The following BCR variants were observed in gnomAD, a reference collection of about 807,000 sequenced individuals.
BCR encodes the protein BCR activator of RhoGEF and GTPase, also known as breakpoint cluster region protein.
A neutral mutation model predicts 138.6 loss-of-function variants in BCR; 58 were observed. The observed-to-expected ratio is 0.42, with a 90% CI of 0.34 to 0.52. The LOEUF (loss-of-function observed/expected upper bound fraction) is 0.52. Among genes scored for constraint, BCR ranks in the 20% least tolerant of loss-of-function variants. The pLI is 0.06. For synonymous variants in BCR, 786 were observed against 730.1 expected, an observed-to-expected ratio of 1.08 and a Z score of -1.23; for missense variants, 1,599 against 1,727.2, an observed-to-expected ratio of 0.93 and a Z score of 1.32.
At position 23,181,123 on chromosome 22, in the gene BCR, C is replaced by A. The variant is rs1026894984; in HGVS notation, c.163C>A (p.Arg55Ser). ...GCAGGAGGTGAACCAGGAGCGCTTCCGCATGATCTACCTGCAGACGTTGCT... is the reference window on the plus strand; with the variant it reads ...GCAGGAGGTGAACCAGGAGCGCTTCAGCATGATCTACCTGCAGACGTTGCT... ...LEQEVNQERF[R>S]MIYLQTLLAK... The change falls in exon 1 of 23, where the codon CGC (arginine) becomes AGC (serine). Residue 55 changes from arginine (R) to serine (S), a missense_variant. By Grantham distance (110) the Arg-to-Ser change is moderately radical. Coordinates refer to ENST00000305877, the MANE Select transcript of BCR (RefSeq NM_004327.4). The A allele has an allele frequency of 6.7e-7, 1 of 1,497,550 alleles. No individual in the cohort carries two copies. The highest frequency in any genetic ancestry group is 9.0e-7 in the Non-Finnish European group (1 of 1,115,364). 92.8% of individuals were successfully genotyped at this position (1,497,550 alleles called of 1,614,324 possible). A position where few individuals can be genotyped will look rare whatever the true frequency, so the allele number is the denominator to read the frequency against.
chr22:23,272,586 G>C (rs148472306), intron 6 of BCR, among the ~76,000 whole-genome samples: 11 of 152,254 alleles, frequency 7.2e-5, no homozygotes, highest in Admixed American at 2.6e-4. Context: ...CCTCGGGCAG[G>C]TCGCCAGAGA....
chr22:23,213,175 G>A (rs1602021004), intron 1 of BCR, among the ~76,000 whole-genome samples: 3 of 152,296 alleles, frequency 2.0e-5, no homozygotes, highest in Admixed American at 2.0e-4. Context: ...AGAGGATGTG[G>A]CTGACCCCTG....
chr22:23,220,032 T>G (rs917924773), intron 1 of BCR, among the ~76,000 whole-genome samples: 1 of 152,150 alleles, frequency 6.6e-6, no homozygotes, highest in Non-Finnish European at 1.5e-5. Flanking sequence ...GGCTGGCTGG[T>G]GTCATGTGTG....
intron 1 of BCR, among the ~76,000 whole-genome samples, chr22:23,202,238 A>G (rs1202368671): frequency 6.6e-6 from 1 of 152,138 alleles, no homozygotes; most frequent in Non-Finnish European, 1.5e-5. Context: ...CATGTACCAT[A>G]CAATTCAACC....
At chr22:23,312,695 C>G (rs1334154292) in intron 19 of BCR, 192 bp from the exon 20 acceptor site, 3 of 584,938 alleles carry the variant, frequency 5.1e-6, no homozygotes, top group Admixed American at 6.0e-5. Flanking sequence ...GGAATGCCCA[C>G]GCACCCCTAT....
At chr22:23,210,592 C>T (rs1007579046) in intron 1 of BCR, among the ~76,000 whole-genome samples, 50 of 152,170 alleles carry the variant, frequency 3.3e-4, no homozygotes, top group African/African-American at 1.2e-3. Context: ...CATCAAGATA[C>T]ACAGCAGGCC....
intron 18 of BCR, among the ~76,000 whole-genome samples, chr22:23,311,090 A>C (rs1424284844): frequency 1.5e-5 from 2 of 136,070 alleles, no homozygotes; most frequent in Non-Finnish European, 1.6e-5. Context: ...GGTGCAAAAC[A>C]GAACTCAAGT....
intron 1 of BCR, among the ~76,000 whole-genome samples, chr22:23,217,522 G>A (rs1053471717): frequency 3.9e-5 from 6 of 152,196 alleles, no homozygotes; most frequent in African/African-American, 9.7e-5. Flanking sequence ...TAAGGTAGGC[G>A]TGGGGCTCAG....
intron 1 of BCR, among the ~76,000 whole-genome samples, chr22:23,219,768 G>A (rs1267258194): frequency 6.6e-6 from 1 of 151,934 alleles, no homozygotes; most frequent in Non-Finnish European, 1.5e-5. Flanking sequence ...GCCCAGCTCT[G>A]TCCTCTGTGT....
At chr22:23,268,721 C>G (rs561092913) in intron 5 of BCR, among the ~76,000 whole-genome samples, 64 of 152,320 alleles carry the variant, frequency 4.2e-4, no homozygotes, top group African/African-American at 1.5e-3. Flanking sequence ...GTCCTGCCTC[C>G]CCGGGGGCGA....
chr22:23,276,978 C>G (rs55650428), intron 8 of BCR, among the ~76,000 whole-genome samples: 1 of 152,156 alleles, frequency 6.6e-6, no homozygotes, highest in Admixed American at 6.5e-5. Flanking sequence ...CTGCGAGGGA[C>G]TTTATGAAAG....
rs1303582942 is a variant in BCR, at chr22:23,295,106, A to G, written c.2963A>G (p.Lys988Arg). 3 of 1,614,170 alleles carry G rather than the reference A, an allele frequency of 1.9e-6. No individual in the cohort carries two copies. The East Asian group carries it at 6.7e-5, about 36-fold the overall frequency. ...TGTTACAACAAGACGAAGATCCCCA[A>G]GGAGGACGGCGAGAGCACGGACAGA... ...EKCYNKTKIPKEDGESTDRLM... is the reference protein window; with the variant it reads ...EKCYNKTKIPREDGESTDRLM... Residue 988 changes from lysine to arginine, a missense_variant, in exon 16 of 23, where the codon AAG becomes AGG. By Grantham distance (26) the Lys-to-Arg change is conservative. Transcript: ENST00000305877.
At chr22:23,270,605 G>A (rs2073499001) in intron 5 of BCR, among the ~76,000 whole-genome samples, 1 of 152,252 alleles carries the variant, frequency 6.6e-6, no homozygotes, top group South Asian at 2.1e-4. Context: ...GTACCAAAGT[G>A]CATGGCAGCG....
rs978433133 is a variant in BCR, at chr22:23,181,230, C to T, written c.270C>T (p.Pro90=). Residue 90 remains proline, a synonymous_variant, in exon 1 of 23, where the codon CCC becomes CCT. Coordinates refer to ENST00000305877, the MANE Select transcript of BCR (RefSeq NM_004327.4). ...AAQAPDGASE[P]RASASRPQPA... is the part of the protein sequence containing the mutation. ...AGGCCCCCGACGGCGCCTCCGAGCC[C>T]CGAGCGTCCGCGTCGCGCCCGCAGC... The T allele has an allele frequency of 5.7e-6, 7 of 1,238,218 alleles. No homozygotes were observed. In the South Asian group the frequency reaches 2.0e-4, roughly 36 times the overall value. 76.7% of individuals were successfully genotyped at this position (1,238,218 alleles called of 1,614,324 possible).
In BCR at chr22:23,314,662, C is replaced by A. The variant is rs781091458; in HGVS notation, c.3674C>A (p.Pro1225His). The A allele has an allele frequency of 6.2e-7, 1 of 1,611,970 alleles. No individual in the cohort carries two copies. The highest frequency in any genetic ancestry group is 8.5e-7 in the Non-Finnish European group (1 of 1,179,840). The change falls in exon 22 of 23, where the codon CCC becomes CAC. Residue 1225 changes from proline (P) to histidine (H), a missense_variant. Pro to His is a moderately conservative substitution (Grantham distance 77). Around this residue, in one of 4 missense-constraint regions of BCR, gnomAD observed 177 missense variants for 226.4 expected, o/e 0.78. Coordinates refer to ENST00000305877, the MANE Select transcript of BCR (RefSeq NM_004327.4). Reference protein sequence around the residue: ...SEKESKLPANPSQPITMTDSW... With the variant: ...SEKESKLPANHSQPITMTDSW... ...AAGGAGAGCAAGCTCCCTGCCAACC[C>A]CAGCCAGCCTATCACCATGACTGAC... is the stretch of plus-strand genomic sequence containing the variant.
Position 23,298,966 on chromosome 22 carries a change from A to G in BCR, c.3012+3811A>G, listed in dbSNP as rs147729260. On this transcript the variant is annotated intron_variant, in intron 16 of 22. Transcript: ENST00000305877. ...ATCACTCATTTTGTGTTCCTGCTGC[A>G]ACAGACCCCCTGGGGCCTGCCCCTC... 2.3e-3 allele frequency among the ~76,000 whole-genome samples: 346 copies of G among 152,018 alleles called. 1 individual carries two copies. Among genetic ancestry groups the G allele is most frequent in the Non-Finnish European group, 2.5e-3 (171 of 68,012 alleles).
rs150958874 is a variant in BCR at position 23,183,257 on chromosome 22, G to A, written c.1279+1018G>A. On this transcript the variant is annotated intron_variant, in intron 1 of 22. Transcript: ENST00000305877. ...TGGGCTGGGGTGTGTGTGTGAGGCT[G>A]TCGGGAATCTTTTGGAGTCCTGGTC... 2.1e-3 allele frequency among the ~76,000 whole-genome samples: 313 copies of A among 152,338 alleles called. 1 individual carries two copies. Among genetic ancestry groups the A allele is most frequent in the Admixed American group, 4.1e-3 (62 of 15,304 alleles).
chr22:23,224,113 C>T (rs1159484136), intron 1 of BCR, among the ~76,000 whole-genome samples: 1 of 152,204 alleles, frequency 6.6e-6, no homozygotes, highest in Non-Finnish European at 1.5e-5. Context: ...GGAAGACAGG[C>T]TCGGGCGCAG....
chr22:23,215,246 C>A (rs375453451), intron 1 of BCR, among the ~76,000 whole-genome samples: 1 of 152,204 alleles, frequency 6.6e-6, no homozygotes, highest in African/African-American at 2.4e-5. Flanking sequence ...GGATGGACAC[C>A]TGGCTTGTTT....
Sources: allele counts gnomAD v4.1 joint callset (sites outside exome capture counted in the v4.1 genomes callset), GRCh38; gene constraint gnomAD v4.1.1; regional missense constraint gnomAD v4.1.1; transcripts MANE v1.5; gene names NCBI Gene and HGNC (gene_info 2026-07-23, HGNC 2026-07-21).